The following PCGF5 variants were observed in gnomAD, a reference collection of about 807,000 sequenced individuals.
The protein encoded by PCGF5 is polycomb group ring finger 5.
Under a neutral mutation model 44.3 loss-of-function variants are expected in PCGF5, and 9 were observed. That is an observed-to-expected ratio of 0.20 (90% confidence interval 0.12 to 0.35). PCGF5 has a LOEUF of 0.35. Ranked by LOEUF, PCGF5 falls within the 10% of genes least tolerant of loss-of-function variation. The pLI is 1.00. For synonymous variants in PCGF5, 95 were observed against 102.5 expected, an observed-to-expected ratio of 0.93 and a Z score of 0.44; for missense variants, 146 against 305.3, an observed-to-expected ratio of 0.48 and a Z score of 3.89.
intron 1 of PCGF5, among the ~76,000 whole-genome samples, chr10:91,207,494 C>T (rs1024918388): frequency 6.6e-6 from 1 of 152,164 alleles, no homozygotes; most frequent in African/African-American, 2.4e-5. Context: ...TGACCCTTTA[C>T]CTCTAAATAC....
rs1844786457 is a variant in PCGF5 at position 91,225,202 on chromosome 10, T to A, written c.112+2219T>A. On this transcript the variant is annotated intron_variant, in intron 2 of 9. Transcript: ENST00000336126. Reference sequence around the variant, plus strand: ...TATAAGCAAAGGGATATATATATTTTTATATATATCATATATTTGATATAT... The same window carrying A: ...TATAAGCAAAGGGATATATATATTTATATATATATCATATATTTGATATAT... Among the ~76,000 whole-genome samples, 5 of 147,918 alleles carry A rather than the reference T, an allele frequency of 3.4e-5. No homozygotes were observed. In the South Asian group the frequency reaches 6.3e-4, roughly 19 times the overall value.
intron 1 of PCGF5, among the ~76,000 whole-genome samples, chr10:91,168,785 G>A (rs766906312): frequency 6.6e-6 from 1 of 151,852 alleles, no homozygotes; most frequent in African/African-American, 2.4e-5. Context: ...AAAACTAGCC[G>A]AGTGTGGTGG....
intron 1 of PCGF5, among the ~76,000 whole-genome samples, chr10:91,192,447 A>T (rs941280506): frequency 6.6e-6 from 1 of 152,246 alleles, no homozygotes; most frequent in African/African-American, 2.4e-5. Context: ...ATATTAAGAA[A>T]GCAATTCTTT....
intron 1 of PCGF5, among the ~76,000 whole-genome samples, chr10:91,172,893 G>A (rs879407534): frequency 2.6e-5 from 4 of 152,318 alleles, no homozygotes; most frequent in Middle Eastern, 3.4e-3. Flanking sequence ...TTGAGATCCT[G>A]TTTTTGAACT....
At chr10:91,188,097 C>G (rs1042503541) in intron 1 of PCGF5, among the ~76,000 whole-genome samples, 4 of 152,206 alleles carry the variant, frequency 2.6e-5, no homozygotes, top group African/African-American at 9.6e-5. Flanking sequence ...CGAACAGGAA[C>G]AGCTCCGGTC....
At position 91,264,005 on chromosome 10, in the gene PCGF5, G is replaced by GGAA. The variant is rs1173161673; in HGVS notation, c.574-424_574-422dup. Among the ~76,000 whole-genome samples the GGAA allele has an allele frequency of 2.6e-5, 4 of 152,162 alleles. No individual in the cohort carries two copies. The East Asian group carries it at 7.7e-4, about 29-fold the overall frequency. On this transcript the variant is annotated intron_variant, in intron 7 of 9. Coordinates refer to ENST00000336126, the MANE Select transcript of PCGF5 (RefSeq NM_032373.5). The stretch of plus-strand genomic sequence containing the variant: ...AAGATAGTAACCCCTTCAAATCTCA[G>GGAA]GAAGGTGAAAGAATTCTGAGAGAGG...
chr10:91,226,314 A>AAG (rs398014421), intron 2 of PCGF5, among the ~76,000 whole-genome samples: 13 of 150,550 alleles, frequency 8.6e-5, no homozygotes, highest in African/African-American at 3.2e-4. Context: ...AAAAAAAAAA[A>AAG]TGCTGTTAAG....
chr10:91,193,306 G>A (rs1844067568), intron 1 of PCGF5, among the ~76,000 whole-genome samples: 1 of 152,166 alleles, frequency 6.6e-6, no homozygotes, highest in African/African-American at 2.4e-5. Context: ...GTGAGACTAA[G>A]TAGAGGACCC....
At chr10:91,162,941 C>T (rs1408035199), upstream of PCGF5, 7 of 145,598 alleles carry the variant, frequency 4.8e-5, no homozygotes, top group African/African-American at 1.2e-4. Flanking sequence ...CGGCCCAGCC[C>T]CCGCCCCGCG....
intron 1 of PCGF5, among the ~76,000 whole-genome samples, chr10:91,205,913 A>C (rs796902764): frequency 3.3e-5 from 5 of 151,878 alleles, no homozygotes; most frequent in African/African-American, 1.2e-4. Context: ...TTGCTTGAAC[A>C]CGGGAGGCTG....
rs574469904 is a variant in PCGF5 at position 91,256,497 on chromosome 10, G to A, written c.475-4829G>A. Among the ~76,000 whole-genome samples the A allele has an allele frequency of 6.6e-5, 10 of 152,052 alleles. No individual in the cohort carries two copies. The South Asian group carries it at 1.2e-3, about 19-fold the overall frequency. On this transcript the variant is annotated intron_variant, in intron 6 of 9. Transcript: ENST00000336126. ...ACATAATGGAAGTTCCAGAAGGAGA[G>A]GAAATGGAGAAAAAAGGACAGAAAG... is the stretch of plus-strand genomic sequence containing the variant.
rs200105407 is a variant in PCGF5, at chr10:91,254,173, TTCTC to T, written c.474+2741_474+2744del. On this transcript the variant is annotated intron_variant, in intron 6 of 9. Coordinates refer to ENST00000336126, the MANE Select transcript of PCGF5 (RefSeq NM_032373.5). ...GATTATTCCTTTATGTATGTGTTCG[TTCTC>T]TCTCTCTGTCTCTTCCCCTCCACCT... 7.1e-4 allele frequency among the ~76,000 whole-genome samples: 107 copies of T among 150,952 alleles called. 2 individuals are homozygous for T. In the East Asian group the frequency reaches 0.018, roughly 26 times the overall value.
intron 6 of PCGF5, among the ~76,000 whole-genome samples, chr10:91,255,137 T>TTGGA (rs1254788623): frequency 1.3e-5 from 2 of 152,056 alleles, no homozygotes; most frequent in African/African-American, 2.4e-5. Context: ...TCGACTTGAC[T>TTGGA]TGGAGCTTGC....
chr10:91,191,485 T>C (rs183143441), intron 1 of PCGF5, among the ~76,000 whole-genome samples: 5 of 152,334 alleles, frequency 3.3e-5, no homozygotes, highest in Non-Finnish European at 7.4e-5. Context: ...CATTTAATAT[T>C]TTTGGACTGA....
At chr10:91,164,261 G>A (rs938877572) in intron 1 of PCGF5, among the ~76,000 whole-genome samples, 2 of 152,142 alleles carry the variant, frequency 1.3e-5, no homozygotes, top group Admixed American at 6.5e-5. Flanking sequence ...GGTCAGGGAC[G>A]CCCGGAGGGA....
At chr10:91,176,311 T>C (rs992741122) in intron 1 of PCGF5, among the ~76,000 whole-genome samples, 15 of 152,334 alleles carry the variant, frequency 9.8e-5, no homozygotes, top group Admixed American at 9.2e-4. Context: ...CCTTTGTGGG[T>C]AACCCAACCT....
chr10:91,268,646 T>G lies in PCGF5; in HGVS notation c.664-2992T>G, dbSNP rs980103998. Among the ~76,000 whole-genome samples, 14 of 152,170 alleles carry G rather than the reference T, an allele frequency of 9.2e-5. 1 individual carries two copies. Among genetic ancestry groups the G allele is most frequent in the Admixed American group, 9.2e-4 (14 of 15,262 alleles). On this transcript the variant is annotated intron_variant, in intron 8 of 9. Transcript: ENST00000336126. The stretch of plus-strand genomic sequence containing the variant: ...GGGTACTCCATATTCAGATTACCCC[T>G]TTATCTTGCTCTGCTTCTAGCCTCT...
At chr10:91,215,074 T>C (rs569566983) in intron 1 of PCGF5, among the ~76,000 whole-genome samples, 1 of 152,340 alleles carries the variant, frequency 6.6e-6, no homozygotes, top group Non-Finnish European at 1.5e-5. Context: ...ATTAACTTCC[T>C]CATCAGTACT....
chr10:91,274,736 G>C (rs191500797), intron 9 of PCGF5, among the ~76,000 whole-genome samples: 1 of 152,210 alleles, frequency 6.6e-6, no homozygotes, highest in South Asian at 2.1e-4. Flanking sequence ...ATTGAGAGAC[G>C]TTGCTATGTG....
Sources: allele counts gnomAD v4.1 joint callset (sites outside exome capture counted in the v4.1 genomes callset), GRCh38; gene constraint gnomAD v4.1.1; transcripts MANE v1.5; gene names NCBI Gene and HGNC (gene_info 2026-07-23, HGNC 2026-07-21).